The following LRRC63 variants were observed in gnomAD, a reference collection of about 807,000 sequenced individuals.
LRRC63 encodes the protein leucine-rich repeat-containing protein 63.
In LRRC63, 40 loss-of-function variants were observed where a neutral mutation model predicts 49.5. That is an observed-to-expected ratio of 0.81 (90% CI 0.63 to 1.05). LRRC63 has a LOEUF of 1.05. Ranked by LOEUF, LRRC63 falls within the 50% of genes least tolerant of loss-of-function variation. The probability of loss-of-function intolerance (pLI) is 0.00; values close to 1 mark genes in which losing one functional copy is unlikely to be tolerated. For synonymous variants in LRRC63, 191 were observed against 221.1 expected, an observed-to-expected ratio of 0.86 and a Z score of 1.21; for missense variants, 636 against 663.1, an observed-to-expected ratio of 0.96 and a Z score of 0.45.
chr13:46,217,637 G>C (rs1384264174), intron 2 of LRRC63, among the ~76,000 whole-genome samples: 2 of 152,034 alleles, frequency 1.3e-5, no homozygotes, highest in African/African-American at 4.8e-5. Context: ...GTTATTTCTT[G>C]TCTTCTGCTA....
At chr13:46,239,863 A>G (rs1046236217) in intron 5 of LRRC63, among the ~76,000 whole-genome samples, 3 of 152,230 alleles carry the variant, frequency 2.0e-5, no homozygotes, top group African/African-American at 7.2e-5. Context: ...AAATCAATAA[A>G]TGTGATTCAT....
At chr13:46,217,458 C>T (rs552416490) in intron 2 of LRRC63, among the ~76,000 whole-genome samples, 2 of 152,222 alleles carry the variant, frequency 1.3e-5, no homozygotes, top group African/African-American at 4.8e-5. Context: ...GTGGTGATCT[C>T]CCCTTTATCA....
chr13:46,225,702 A>G (rs563257534), intron 2 of LRRC63, among the ~76,000 whole-genome samples: 1 of 152,212 alleles, frequency 6.6e-6, no homozygotes, highest in Non-Finnish European at 1.5e-5. Flanking sequence ...CTTAAGTAGG[A>G]AGCAAACATT....
chr13:46,213,635 A>C (rs1367714170), intron 2 of LRRC63, among the ~76,000 whole-genome samples: 1 of 152,242 alleles, frequency 6.6e-6, no homozygotes, highest in East Asian at 1.9e-4. Context: ...TACAGAGAAC[A>C]AGATATGTGT....
At chr13:46,228,826 A>G in intron 4 of LRRC63, 93 bp downstream of exon 4, 1 of 812,338 alleles carries the variant, frequency 1.2e-6, no homozygotes, top group South Asian at 1.6e-5. Flanking sequence ...TATGTGTGTG[A>G]TTCACACATG....
At position 46,232,592 on chromosome 13, in the gene LRRC63, T is replaced by C. The variant is rs529535448; in HGVS notation, c.833-1600T>C. ...GCCCTAACAAAGCTCAAACCAATCC[T>C]TGATAATGGTGTTTTCTGCCTAATC... On this transcript the variant is annotated intron_variant, in intron 4 of 9. Coordinates refer to ENST00000595396, the Ensembl canonical transcript of LRRC63. 2.6e-5 allele frequency among the ~76,000 whole-genome samples: 4 copies of C among 152,252 alleles called. No homozygotes were observed. The South Asian group carries it at 8.3e-4, about 32-fold the overall frequency.
At chr13:46,262,624 T>A (rs2047630918) in intron 8 of LRRC63, among the ~76,000 whole-genome samples, 1 of 152,130 alleles carries the variant, frequency 6.6e-6, no homozygotes, top group African/African-American at 2.4e-5. Context: ...ATATTTTTGA[T>A]CAATTTTTCT....
At chr13:46,230,536 A>G (rs1375708034) in intron 4 of LRRC63, among the ~76,000 whole-genome samples, 3 of 152,208 alleles carry the variant, frequency 2.0e-5, no homozygotes, top group East Asian at 1.9e-4. Flanking sequence ...CCCCTGGCAA[A>G]CCACTGATGT....
At chr13:46,212,162 C>T (rs1251131677) in exon 1 of LRRC63, 1 of 152,234 alleles carries the variant, frequency 6.6e-6, no homozygotes, top group Non-Finnish European at 1.5e-5. Flanking sequence ...ACTTCCATGC[C>T]CCTCTTTGGG....
intron 7 of LRRC63, among the ~76,000 whole-genome samples, chr13:46,254,856 A>T (rs2047468934): frequency 6.6e-6 from 1 of 152,176 alleles, no homozygotes; most frequent in Non-Finnish European, 1.5e-5. Context: ...AAGATGGAGA[A>T]GGTAGATTTT....
At chr13:46,232,209 C>A (rs776991324) in intron 4 of LRRC63, among the ~76,000 whole-genome samples, 1 of 152,172 alleles carries the variant, frequency 6.6e-6, no homozygotes, top group African/African-American at 2.4e-5. Flanking sequence ...CAAACACCTC[C>A]CTCTGGGACC....
At chr13:46,223,943 T>C (rs79287340) in intron 2 of LRRC63, among the ~76,000 whole-genome samples, 4,586 of 152,310 alleles carry the variant, frequency 0.03, 252 homozygotes, top group African/African-American at 0.1. Flanking sequence ...GTTTCTTTAT[T>C]GGTGACCAGA....
intron 7 of LRRC63, among the ~76,000 whole-genome samples, chr13:46,254,778 C>T (rs1594083482): frequency 6.6e-6 from 1 of 152,116 alleles, no homozygotes; most frequent in African/African-American, 2.4e-5. Context: ...GACTGGAAAC[C>T]AAGGATTCAT....
At chr13:46,254,697 T>A (rs1004692546) in intron 7 of LRRC63, among the ~76,000 whole-genome samples, 1 of 152,108 alleles carries the variant, frequency 6.6e-6, no homozygotes, top group African/African-American at 2.4e-5. Flanking sequence ...AGTGTTGATA[T>A]TGAGAGGAAC....
At chr13:46,255,349 A>G (rs951567292) in intron 7 of LRRC63, among the ~76,000 whole-genome samples, 1 of 152,066 alleles carries the variant, frequency 6.6e-6, no homozygotes, top group African/African-American at 2.4e-5. Context: ...GGAAATACAT[A>G]TAGTGCTGGT....
chr13:46,216,836 C>A (rs2046265382), intron 2 of LRRC63, among the ~76,000 whole-genome samples: 1 of 152,096 alleles, frequency 6.6e-6, no homozygotes, highest in African/African-American at 2.4e-5. Flanking sequence ...TTATCAAAGG[C>A]CTTTTCTGCA....
intron 9 of LRRC63, among the ~76,000 whole-genome samples, chr13:46,271,352 C>T (rs536998875): frequency 5.3e-5 from 8 of 152,140 alleles, no homozygotes; most frequent in Non-Finnish European, 8.8e-5. Context: ...TATAATGTGA[C>T]GACCAAAAAG....
chr13:46,230,341 A>G (rs1385312645), intron 4 of LRRC63, among the ~76,000 whole-genome samples: 4 of 152,204 alleles, frequency 2.6e-5, no homozygotes, highest in Non-Finnish European at 4.4e-5. Context: ...CTAATAGGAT[A>G]TATGTATATA....
intron 5 of LRRC63, among the ~76,000 whole-genome samples, chr13:46,236,841 G>A (rs1464881780): frequency 3.3e-5 from 5 of 152,124 alleles, no homozygotes; most frequent in Non-Finnish European, 7.4e-5. Context: ...AAAGACAAAT[G>A]TGTAAACATA....
Sources: gnomAD v4.1 joint callset for allele counts (sites outside exome capture counted in the v4.1 genomes callset) on GRCh38, gnomAD v4.1.1 for gene constraint, MANE v1.5 for transcripts, NCBI Gene and HGNC (gene_info 2026-07-23, HGNC 2026-07-21) for gene names.